Variants in DMRT1 observed in about 807,000 individuals in gnomAD.
The protein encoded by DMRT1 is doublesex- and mab-3-related transcription factor 1.
DMRT1 carries 7 observed loss-of-function variants against 32.3 expected under a neutral mutation model. That is an observed-to-expected ratio of 0.22 (90% CI 0.12 to 0.41). The LOEUF (loss-of-function observed/expected upper bound fraction) is 0.41, where lower values mean the gene tolerates loss of function less well. Among genes scored for constraint, DMRT1 ranks in the 10% least tolerant of loss-of-function variants. The probability of loss-of-function intolerance (pLI) is 1.00; values close to 1 mark genes in which losing one functional copy is unlikely to be tolerated. For synonymous variants in DMRT1, 278 were observed against 206.1 expected, an observed-to-expected ratio of 1.35 and a Z score of -2.99; for missense variants, 625 against 500.5, an observed-to-expected ratio of 1.25 and a Z score of -2.37.
chr9:913,958 G>T (rs764947868), intron 3 of DMRT1, among the ~76,000 whole-genome samples: 1 of 152,084 alleles, frequency 6.6e-6, no homozygotes, highest in Non-Finnish European at 1.5e-5. Flanking sequence ...ATGAGAGGAA[G>T]GATCACGTAT....
At chr9:857,254 C>T (rs10977153) in intron 2 of DMRT1, among the ~76,000 whole-genome samples, 9,488 of 152,112 alleles carry the variant, frequency 0.062, 970 homozygotes, top group African/African-American at 0.21. Flanking sequence ...TTGCAGGGAG[C>T]TGAGATTGCT....
intron 2 of DMRT1, among the ~76,000 whole-genome samples, chr9:854,318 A>C (rs1311868095): frequency 6.6e-6 from 1 of 150,734 alleles, no homozygotes; most frequent in Non-Finnish European, 1.5e-5. Flanking sequence ...ACAGAGTCTC[A>C]CTCTTGCCCA....
intron 4 of DMRT1, among the ~76,000 whole-genome samples, chr9:930,444 C>G (rs1174280704): frequency 9.2e-5 from 14 of 151,704 alleles, no homozygotes; most frequent in Non-Finnish European, 1.3e-4. Context: ...CGGAGTTTCG[C>G]TCTGTCGCCC....
intron 2 of DMRT1, among the ~76,000 whole-genome samples, chr9:891,119 T>G (rs947784610): frequency 1.1e-4 from 16 of 151,844 alleles, no homozygotes; most frequent in African/African-American, 3.9e-4. Flanking sequence ...GTGGTTTGAT[T>G]GCTGGAGCTC....
At chr9:859,894 C>A (rs1815577930) in intron 2 of DMRT1, among the ~76,000 whole-genome samples, 1 of 152,164 alleles carries the variant, frequency 6.6e-6, no homozygotes, top group Non-Finnish European at 1.5e-5. Context: ...CTTCAGCCAT[C>A]CATTGCCATT....
intron 4 of DMRT1, among the ~76,000 whole-genome samples, chr9:950,607 A>G (rs1425982566): frequency 1.3e-5 from 2 of 152,206 alleles, no homozygotes; most frequent in Non-Finnish European, 2.9e-5. Flanking sequence ...TATTATTAAT[A>G]ATTATGCTAA....
chr9:933,038 G>A (rs1201425881), intron 4 of DMRT1, among the ~76,000 whole-genome samples: 2 of 151,798 alleles, frequency 1.3e-5, no homozygotes, highest in Middle Eastern at 3.2e-3. Flanking sequence ...TCAGCCTCCC[G>A]AGTGGCTGGG....
chr9:949,534 A>T (rs1161179423), intron 4 of DMRT1, among the ~76,000 whole-genome samples: 1 of 152,170 alleles, frequency 6.6e-6, no homozygotes, highest in Admixed American at 6.5e-5. Context: ...CACCTGCAAA[A>T]GTTTCTTACT....
intron 4 of DMRT1, 70 bp downstream of exon 4, chr9:916,977 C>G (rs1818205792): frequency 2.0e-6 from 3 of 1,520,570 alleles, no homozygotes; most frequent in African/African-American, 1.4e-5. Context: ...GGGTCATTAG[C>G]TGTGTCTAAT....
chr9:905,522 A>G (rs1254159731), intron 3 of DMRT1, among the ~76,000 whole-genome samples: 7 of 98,392 alleles, frequency 7.1e-5, no homozygotes, highest in African/African-American at 2.7e-4. Context: ...GTGGCACTGC[A>G]GGACATGTCA....
intron 3 of DMRT1, among the ~76,000 whole-genome samples, chr9:901,523 C>T (rs1243154240): frequency 6.6e-6 from 1 of 152,010 alleles, no homozygotes; most frequent in Non-Finnish European, 1.5e-5. Flanking sequence ...AACGGGGTTT[C>T]ACCATGTTGG....
rs926030949 is a variant in DMRT1, at chr9:894,071, T to A, written c.698T>A (p.Met233Lys). The A allele has an allele frequency of 1.9e-6, 3 of 1,614,134 alleles. No individual in the cohort carries two copies. Among genetic ancestry groups the A allele is most frequent in the African/African-American group, 2.7e-5 (2 of 74,946 alleles). ...NNLYNCPQYS[M>K]ALAADSASGE... ...CTATACAACTGCCCGCAGTACTCCA[T>A]GGCCTTGGCTGCTGATTCTGCTTCT... is the stretch of plus-strand genomic sequence containing the variant. The change falls in exon 3 of 5, where the codon ATG (methionine) becomes AAG (lysine). Residue 233 changes from methionine (M) to lysine (K), a missense_variant. Physicochemically the swap from Met to Lys is moderately conservative, Grantham distance 95. Coordinates refer to ENST00000382276, the MANE Select transcript of DMRT1 (RefSeq NM_021951.3).
intron 4 of DMRT1, 39 bp from the exon 5 acceptor site, chr9:967,946 T>C: frequency 6.3e-7 from 1 of 1,598,892 alleles, no homozygotes; most frequent in Non-Finnish European, 8.5e-7. Flanking sequence ...ATTACTCCCT[T>C]TCTCCCTTTC....
At chr9:887,141 A>G (rs1375623397) in intron 2 of DMRT1, among the ~76,000 whole-genome samples, 1 of 152,186 alleles carries the variant, frequency 6.6e-6, no homozygotes, top group African/African-American at 2.4e-5. Flanking sequence ...CAGTGAGCCG[A>G]GATCAGGAGA....
chr9:875,658 C>T (rs563362702), intron 2 of DMRT1, among the ~76,000 whole-genome samples: 24 of 152,086 alleles, frequency 1.6e-4, no homozygotes, highest in Non-Finnish European at 3.2e-4. Context: ...GTCTTGGTTG[C>T]CATAGAGACA....
chr9:848,800 C>A (rs1381724378), intron 2 of DMRT1, among the ~76,000 whole-genome samples: 3 of 149,326 alleles, frequency 2.0e-5, no homozygotes, highest in Admixed American at 6.8e-5. Context: ...AGTGATCCAC[C>A]CACCTCAGCT....
intron 3 of DMRT1, among the ~76,000 whole-genome samples, chr9:913,432 A>G (rs1818059030): frequency 7.9e-6 from 1 of 127,306 alleles, no homozygotes; most frequent in Admixed American, 7.9e-5. Context: ...TTGAGTTTTT[A>G]CTGCTGCAGC....
In DMRT1 at chr9:903,027, C is replaced by G. The variant is rs189757370; in HGVS notation, c.822+8832C>G. On this transcript the variant is annotated intron_variant, in intron 3 of 4. Transcript: ENST00000382276. ...CCAGTGGAATTAAAGCTGTCATGTT[C>G]CCTGAGTTTGGGGGTCACATTACTA... 5.9e-5 allele frequency among the ~76,000 whole-genome samples: 9 copies of G among 152,236 alleles called. No homozygotes were observed. In the East Asian group the frequency reaches 1.7e-3, roughly 29 times the overall value.
At chr9:902,596 C>T (rs566063159) in intron 3 of DMRT1, among the ~76,000 whole-genome samples, 3 of 151,718 alleles carry the variant, frequency 2.0e-5, no homozygotes, top group Admixed American at 6.6e-5. Flanking sequence ...TCAAGCGATT[C>T]TCCTGCCTCA....
Sources: gnomAD v4.1 joint callset for allele counts (sites outside exome capture counted in the v4.1 genomes callset) on GRCh38, gnomAD v4.1.1 for gene constraint, MANE v1.5 for transcripts, NCBI Gene and HGNC (gene_info 2026-07-23, HGNC 2026-07-21) for gene names.